The following SNX24 variants were observed in gnomAD, a reference collection of about 807,000 sequenced individuals.
The protein encoded by SNX24 is sorting nexin-24.
Under a neutral mutation model 28.7 loss-of-function variants are expected in SNX24, and 22 were observed. The ratio of observed to expected loss-of-function variants is 0.77; its 90% confidence interval spans 0.55 to 1.10. The LOEUF is 1.10. SNX24 is among the 50% of genes least tolerant of loss of function. The pLI is 0.00. For synonymous variants in SNX24, 69 were observed against 71.5 expected (o/e 0.96, Z 0.18); for missense variants, 221 against 201.1 (o/e 1.10, Z -0.60).
In SNX24 at chr5:122,927,926, G is replaced by A. The variant is rs999582512; in HGVS notation, c.61-8808G>A. ...CACAGACTAGTTGATGCAGATGTCC[G>A]CAGCCAGTTGATGGTGGCATCACCA... On this transcript the variant is annotated intron_variant, in intron 1 of 6. Coordinates refer to ENST00000261369, the MANE Select transcript of SNX24 (RefSeq NM_014035.4). Among the ~76,000 whole-genome samples the A allele has an allele frequency of 6.6e-5, 10 of 152,174 alleles. No homozygotes were observed. In the East Asian group the frequency reaches 1.2e-3, roughly 18 times the overall value.
At chr5:122,873,200 C>G (rs922331822) in intron 1 of SNX24, among the ~76,000 whole-genome samples, 1 of 152,022 alleles carries the variant, frequency 6.6e-6, no homozygotes, top group Non-Finnish European at 1.5e-5. Flanking sequence ...GTCTCAAACT[C>G]CCGGGCTTGA....
intron 3 of SNX24, among the ~76,000 whole-genome samples, chr5:122,975,421 A>G (rs1027841766): frequency 4.6e-5 from 7 of 151,934 alleles, no homozygotes; most frequent in African/African-American, 1.7e-4. Flanking sequence ...TCAATGAGTC[A>G]TGTCTGCATG....
At chr5:122,964,247 C>CAAAAAAAAAAAAAAAAAA (rs34174497) in intron 3 of SNX24, among the ~76,000 whole-genome samples, 12 of 36,574 alleles carry the variant, frequency 3.3e-4, no homozygotes, top group Non-Finnish European at 5.2e-4. Flanking sequence ...GACTCCATCT[C>CAAAAAAAAAAAAAAAAAA]AAAAAAAAAA....
chr5:122,915,987 G>A (rs1204039632), intron 1 of SNX24, among the ~76,000 whole-genome samples: 1 of 152,240 alleles, frequency 6.6e-6, no homozygotes, highest in Non-Finnish European at 1.5e-5. Flanking sequence ...CCTCTCAGTA[G>A]TTTATCTTCC....
chr5:122,916,630 G>A lies in SNX24; in HGVS notation c.61-20104G>A, dbSNP rs576175201. Among the ~76,000 whole-genome samples the A allele has an allele frequency of 2.3e-4, 35 of 152,206 alleles. No individual in the cohort carries two copies. The Middle Eastern group carries it at 0.01, about 44-fold the overall frequency. On this transcript the variant is annotated intron_variant, in intron 1 of 6. Coordinates refer to ENST00000261369, the MANE Select transcript of SNX24 (RefSeq NM_014035.4). ...ATTCTGCATCCCAAATTCTGTGTTTGTTACTTCCATACCTGATGACACCCC... is the reference window on the plus strand; with the variant it reads ...ATTCTGCATCCCAAATTCTGTGTTTATTACTTCCATACCTGATGACACCCC...
intron 3 of SNX24, among the ~76,000 whole-genome samples, chr5:122,961,519 A>G (rs1306560826): frequency 1.3e-5 from 2 of 152,176 alleles, no homozygotes; most frequent in Non-Finnish European, 2.9e-5. Flanking sequence ...AATAATATTA[A>G]TGGCTGGGAT....
At chr5:122,913,993 G>A (rs1274595509) in intron 1 of SNX24, among the ~76,000 whole-genome samples, 1 of 152,168 alleles carries the variant, frequency 6.6e-6, no homozygotes, top group African/African-American at 2.4e-5. Flanking sequence ...ACCTGCAATC[G>A]CAGGCACTCG....
chr5:122,859,710 T>A (rs1252184428), intron 1 of SNX24, among the ~76,000 whole-genome samples: 1 of 152,166 alleles, frequency 6.6e-6, no homozygotes, highest in Non-Finnish European at 1.5e-5. Context: ...GACACAGCCA[T>A]CAGGAAGTCT....
At chr5:122,936,839 T>A (rs1246691843) in intron 2 of SNX24, 22 bp downstream of exon 2, 2 of 1,526,544 alleles carry the variant, frequency 1.3e-6, no homozygotes, top group East Asian at 4.5e-5. Flanking sequence ...TCTGTTTTTT[T>A]GTCTTTTCTC....
intron 1 of SNX24, among the ~76,000 whole-genome samples, chr5:122,848,589 A>G (rs1754753167): frequency 6.6e-6 from 1 of 151,498 alleles, no homozygotes; most frequent in African/African-American, 2.4e-5. Context: ...GGCGCGGGTA[A>G]TCCCAGCTAC....
At chr5:122,865,777 T>A (rs938537283) in intron 1 of SNX24, among the ~76,000 whole-genome samples, 1 of 152,212 alleles carries the variant, frequency 6.6e-6, no homozygotes, top group African/African-American at 2.4e-5. Context: ...AATTTGGGGA[T>A]CAAATACTGT....
chr5:122,942,754 C>G (rs1394654078), intron 2 of SNX24, among the ~76,000 whole-genome samples: 1 of 152,110 alleles, frequency 6.6e-6, no homozygotes, highest in Non-Finnish European at 1.5e-5. Flanking sequence ...GATGAAGTGA[C>G]AGAGGAGTAT....
At chr5:122,851,781 A>C (rs1754930184) in intron 1 of SNX24, among the ~76,000 whole-genome samples, 1 of 152,156 alleles carries the variant, frequency 6.6e-6, no homozygotes, top group African/African-American at 2.4e-5. Flanking sequence ...AATATTTTAT[A>C]ATTCTTTCAT....
At chr5:122,900,329 T>G (rs1318094670) in intron 1 of SNX24, among the ~76,000 whole-genome samples, 1 of 152,196 alleles carries the variant, frequency 6.6e-6, no homozygotes, top group East Asian at 1.9e-4. Context: ...TTTGAGAGTG[T>G]GTGTAGCAGC....
chr5:122,962,753 G>A (rs1760537482), intron 3 of SNX24, among the ~76,000 whole-genome samples: 1 of 152,214 alleles, frequency 6.6e-6, no homozygotes, highest in South Asian at 2.1e-4. Flanking sequence ...AACTCTAGTG[G>A]ATTGTGGCCC....
At chr5:122,886,398 G>A (rs1050782745) in intron 1 of SNX24, among the ~76,000 whole-genome samples, 1 of 152,052 alleles carries the variant, frequency 6.6e-6, no homozygotes, top group Admixed American at 6.6e-5. Context: ...TCTATTAGGT[G>A]GATAGTTCTT....
At chr5:122,956,352 G>GA (rs150072652) in intron 3 of SNX24, among the ~76,000 whole-genome samples, 73,282 of 143,526 alleles carry the variant, frequency 0.51, 18,842 homozygotes, top group African/African-American at 0.55. Context: ...AAACACTTGG[G>GA]AAAAAAAAAA....
chr5:122,883,073 G>A (rs1224002365), intron 1 of SNX24, among the ~76,000 whole-genome samples: 5 of 152,162 alleles, frequency 3.3e-5, no homozygotes, highest in Non-Finnish European at 4.4e-5. Flanking sequence ...ATGAATCAGC[G>A]TGGCTAGGGA....
intron 1 of SNX24, among the ~76,000 whole-genome samples, chr5:122,885,956 A>G (rs917139949): frequency 8.6e-5 from 13 of 151,686 alleles, no homozygotes; most frequent in South Asian, 2.1e-4. Context: ...TCATGCTCCT[A>G]TGAGAATCTA....
Sources: allele counts gnomAD v4.1 joint callset (sites outside exome capture counted in the v4.1 genomes callset), GRCh38; gene constraint gnomAD v4.1.1; transcripts MANE v1.5; gene names NCBI Gene and HGNC (gene_info 2026-07-23, HGNC 2026-07-21).